Variants in FMO1 observed in about 807,000 individuals in gnomAD.
FMO1 encodes flavin-containing monooxygenase 1.
Under a neutral mutation model 45.4 loss-of-function variants are expected in FMO1, and 36 were observed. The observed-to-expected ratio is 0.79, with a 90% CI of 0.61 to 1.05. The LOEUF (loss-of-function observed/expected upper bound fraction) is 1.05. FMO1 is among the 50% of genes least tolerant of loss of function. The pLI, the probability that FMO1 is intolerant of heterozygous loss-of-function variation, is 0.00. For synonymous variants in FMO1, 228 were observed against 227.2 expected, an observed-to-expected ratio of 1.00 and a Z score of -0.03; for missense variants, 615 against 640.3, an observed-to-expected ratio of 0.96 and a Z score of 0.43.
chr1:171,284,737 A>G (rs28360430), intron 8 of FMO1, among the ~76,000 whole-genome samples: 2,714 of 151,352 alleles, frequency 0.018, 90 homozygotes, highest in African/African-American at 0.061. Context: ...GTAAAAAAAA[A>G]AAAAAAGAAA....
intron 5 of FMO1, among the ~76,000 whole-genome samples, chr1:171,279,927 C>T (rs1054158274): frequency 6.6e-6 from 1 of 152,132 alleles, no homozygotes; most frequent in Non-Finnish European, 1.5e-5. Flanking sequence ...CTTCAGAGCC[C>T]CTTTCTCTTC....
chr1:171,255,510 A>G (rs1271729622), intron 1 of FMO1, among the ~76,000 whole-genome samples: 1 of 152,186 alleles, frequency 6.6e-6, no homozygotes, highest in Non-Finnish European at 1.5e-5. Flanking sequence ...TTACTAAACC[A>G]GCCAGGTGCT....
intron 3 of FMO1, among the ~76,000 whole-genome samples, chr1:171,268,597 A>ATCCTTTTTG (rs995348823): frequency 6.6e-6 from 1 of 152,010 alleles, no homozygotes; most frequent in African/African-American, 2.4e-5. Context: ...TGAATAATAT[A>ATCCTTTTTG]TCCTTTTTGT....
intron 3 of FMO1, among the ~76,000 whole-genome samples, chr1:171,268,089 C>T (rs911574027): frequency 1.3e-5 from 2 of 151,960 alleles, no homozygotes; most frequent in Non-Finnish European, 2.9e-5. Flanking sequence ...GGTTTTTTGT[C>T]TGTTTGTTTG....
intron 3 of FMO1, chr1:171,271,013 C>T: frequency 2.0e-6 from 2 of 981,604 alleles, no homozygotes; most frequent in Non-Finnish European, 3.1e-6. Flanking sequence ...TCTTCTTCAT[C>T]TTCCTCATCT....
intron 3 of FMO1, among the ~76,000 whole-genome samples, chr1:171,269,453 TA>T (rs973925871): frequency 1.3e-5 from 2 of 151,974 alleles, no homozygotes; most frequent in Non-Finnish European, 2.9e-5. Context: ...TTTTTTGTTT[TA>T]AAAAAAACCT....
intron 1 of FMO1, chr1:171,253,991 A>T (rs2101791104): frequency 6.6e-6 from 1 of 152,346 alleles, no homozygotes; most frequent in African/African-American, 2.4e-5. Context: ...GTAAACAATC[A>T]ATCGAGTTAG....
intron 3 of FMO1, among the ~76,000 whole-genome samples, chr1:171,268,909 CA>C (rs1433588909): frequency 1.3e-5 from 2 of 152,198 alleles, no homozygotes; most frequent in African/African-American, 4.8e-5. Flanking sequence ...ACCATGGGGG[CA>C]GGTCTTTCCC....
At chr1:171,251,142 G>A (rs1659870610) in intron 1 of FMO1, among the ~76,000 whole-genome samples, 1 of 152,148 alleles carries the variant, frequency 6.6e-6, no homozygotes, top group South Asian at 2.1e-4. Flanking sequence ...TACGGCAGGT[G>A]CTTAAGTGCT....
At chr1:171,272,398 G>A (rs938287865) in intron 3 of FMO1, among the ~76,000 whole-genome samples, 2 of 152,222 alleles carry the variant, frequency 1.3e-5, no homozygotes, top group African/African-American at 4.8e-5. Context: ...CCCACACAGA[G>A]TCTCTACTGG....
Position 171,278,788 on chromosome 1 carries a change from T to A in FMO1, c.544T>A (p.Phe182Ile), listed in dbSNP as rs1661224081. 6.2e-7 allele frequency: 1 copy of A among 1,612,228 alleles called. No individual in the cohort carries two copies. Among genetic ancestry groups the A allele is most frequent in the Non-Finnish European group, 8.5e-7 (1 of 1,178,500 alleles). Residue 182 changes from phenylalanine (F) to isoleucine (I), a missense_variant, in exon 5 of 9, where the codon TTT (phenylalanine) becomes ATT (isoleucine). Phe to Ile is a conservative substitution (Grantham distance 21, BLOSUM62 0). Transcript: ENST00000617670. Reference sequence around the variant, plus strand: ...CCGGCAATATAAGCATCCAGATATATTTAAGGACAAGAGAGTCCTTGTGAT... The same window carrying A: ...CCGGCAATATAAGCATCCAGATATAATTAAGGACAAGAGAGTCCTTGTGAT... ...HSRQYKHPDIFKDKRVLVIGM... is the reference protein window; with the variant it reads ...HSRQYKHPDIIKDKRVLVIGM...
At chr1:171,275,590 T>C in intron 4 of FMO1, 82 bp downstream of exon 4, 1 of 1,000,382 alleles carries the variant, frequency 1.0e-6, no homozygotes, top group Non-Finnish European at 1.5e-6. Flanking sequence ...TGAATTCCTA[T>C]GGCTGTTCCA....
intron 1 of FMO1, among the ~76,000 whole-genome samples, chr1:171,249,854 C>T (rs1557999877): frequency 6.6e-6 from 1 of 152,122 alleles, no homozygotes; most frequent in Non-Finnish European, 1.5e-5. Context: ...TAAACATTGG[C>T]TAATTGATAC....
intron 2 of FMO1, among the ~76,000 whole-genome samples, chr1:171,259,834 C>CCAGT (rs1660306074): frequency 6.6e-6 from 1 of 152,314 alleles, no homozygotes; most frequent in Non-Finnish European, 1.5e-5. Context: ...AGGTCAAACA[C>CCAGT]CAGTGCACAA....
At chr1:171,272,778 T>C (rs1660921023) in intron 3 of FMO1, among the ~76,000 whole-genome samples, 1 of 152,218 alleles carries the variant, frequency 6.6e-6, no homozygotes, top group Non-Finnish European at 1.5e-5. Context: ...CCCCACTGTT[T>C]CTAGGAAGTA....
intron 1 of FMO1, among the ~76,000 whole-genome samples, chr1:171,250,522 C>T (rs565655461): frequency 2.6e-5 from 4 of 152,228 alleles, no homozygotes; most frequent in African/African-American, 9.6e-5. Flanking sequence ...CCTACTAAAC[C>T]AAAGCGGACA....
intron 1 of FMO1, among the ~76,000 whole-genome samples, chr1:171,252,841 G>A (rs1257224991): frequency 2.0e-5 from 3 of 152,104 alleles, no homozygotes; most frequent in African/African-American, 7.2e-5. Context: ...TGCCTACCAC[G>A]GTCTGGGGCT....
chr1:171,278,873 T>G lies in FMO1; in HGVS notation c.627+2T>G. The stretch of plus-strand genomic sequence containing the variant: ...GAGGCCAGCCACCTGGCGGAAAAGG[T>G]ACATTCCTGATGTTACTGGGTGAAG... On this transcript the variant is annotated splice_donor_variant, in intron 5 of 8. Coordinates refer to ENST00000617670, the MANE Select transcript of FMO1 (RefSeq NM_001282693.2). LOFTEE classifies it high-confidence loss of function. 6.2e-7 allele frequency: 1 copy of G among 1,609,068 alleles called. No homozygotes were observed. Among genetic ancestry groups the G allele is most frequent in the Non-Finnish European group, 8.5e-7 (1 of 1,176,910 alleles).
At chr1:171,282,928 T>C (rs1661424903) in intron 7 of FMO1, 5 of 421,716 alleles carry the variant, frequency 1.2e-5, no homozygotes, top group Non-Finnish European at 2.1e-5. Context: ...ATCAAATAAT[T>C]AGTGAGATGA....
Sources: allele counts gnomAD v4.1 joint callset (sites outside exome capture counted in the v4.1 genomes callset), GRCh38; gene constraint gnomAD v4.1.1; transcripts MANE v1.5; gene names NCBI Gene and HGNC (gene_info 2026-07-23, HGNC 2026-07-21).